The following PDE2A variants were observed in gnomAD, a reference collection of about 807,000 sequenced individuals.
PDE2A encodes the protein cGMP-dependent 3',5'-cyclic phosphodiesterase.
PDE2A carries 53 observed loss-of-function variants against 133.6 expected under a neutral mutation model. That is an observed-to-expected ratio of 0.40 (90% CI 0.32 to 0.50). The LOEUF is 0.50. PDE2A is among the 20% of genes least tolerant of loss of function. The pLI is 0.73. For synonymous variants in PDE2A, 491 were observed against 490.2 expected, an observed-to-expected ratio of 1.00 and a Z score of -0.02; for missense variants, 796 against 1,232.4, an observed-to-expected ratio of 0.65 and a Z score of 5.30.
At chr11:72,625,218 G>C (rs1249362814) in intron 2 of PDE2A, among the ~76,000 whole-genome samples, 2 of 152,208 alleles carry the variant, frequency 1.3e-5, no homozygotes, top group Non-Finnish European at 2.9e-5. Context: ...GGATCCATGG[G>C]ACTTTCCATC....
chr11:72,662,001 G>A (rs182763907), intron 1 of PDE2A, among the ~76,000 whole-genome samples: 14 of 152,244 alleles, frequency 9.2e-5, no homozygotes, highest in African/African-American at 2.6e-4. Flanking sequence ...CTGGTATGGG[G>A]AGTTCTTCTG....
intron 2 of PDE2A, among the ~76,000 whole-genome samples, chr11:72,622,799 A>G (rs1288995796): frequency 1.3e-5 from 2 of 152,178 alleles, no homozygotes; most frequent in Non-Finnish European, 2.9e-5. Flanking sequence ...ACCTACCACA[A>G]CTGAACTGTA....
Position 72,644,128 on chromosome 11 carries a change from T to C in PDE2A, c.72-1802A>G, listed in dbSNP as rs571458653. 2.0e-5 allele frequency among the ~76,000 whole-genome samples: 3 copies of C among 152,342 alleles called. No homozygotes were observed. The East Asian group carries it at 5.8e-4, about 29-fold the overall frequency. On this transcript the variant is annotated intron_variant, in intron 1 of 30. Coordinates refer to ENST00000334456, the MANE Select transcript of PDE2A (RefSeq NM_002599.5). ...AGATCCTTCCCTCCTGCCTGTCATT[T>C]AGGGGCCATTTGAAGGCCCACCTCC...
In PDE2A at chr11:72,578,542, C is replaced by T; in HGVS notation, c.2470-28G>A. 1.3e-6 allele frequency: 2 copies of T among 1,596,300 alleles called. No homozygotes were observed. The highest frequency in any genetic ancestry group is 1.1e-5 in the South Asian group (1 of 90,720). ...GAAAGGCCAACACTCTCATCACATCCTCTATGTAGGATACATCCACCCAAG... is the reference window on the plus strand; with the variant it reads ...GAAAGGCCAACACTCTCATCACATCTTCTATGTAGGATACATCCACCCAAG... On this transcript the variant is annotated intron_variant, in intron 28 of 30. Transcript: ENST00000334456. This position sits in a 1 kb window ranked among gnomAD's most constrained non-coding sequence, Gnocchi z 4.2.
At position 72,596,581 on chromosome 11, in the gene PDE2A, G is replaced by T; in HGVS notation, c.489+12C>A. On this transcript the variant is annotated intron_variant, in intron 6 of 30. Transcript: ENST00000334456. ...CCTCTCCCTACATCCCACCGCCTAG[G>T]CAGGCTCTTACCAAGATGACAGCTG... The T allele has an allele frequency of 6.8e-7, 1 of 1,468,962 alleles. No individual in the cohort carries two copies. The highest frequency in any genetic ancestry group is 9.1e-7 in the Non-Finnish European group (1 of 1,099,288). The allele number at this position is 1,468,962 out of a possible 1,614,324, so 91.0% of individuals were successfully genotyped here.
chr11:72,663,191 A>C (rs1034983712), intron 1 of PDE2A, among the ~76,000 whole-genome samples: 1 of 152,116 alleles, frequency 6.6e-6, no homozygotes, highest in Non-Finnish European at 1.5e-5. Context: ...TTTTGGGTCC[A>C]TCTCCATGGC....
chr11:72,588,934 C>A lies in PDE2A; in HGVS notation c.940-20G>T. 1.3e-6 allele frequency: 2 copies of A among 1,591,936 alleles called. No homozygotes were observed. Among genetic ancestry groups the A allele is most frequent in the South Asian group, 2.2e-5 (2 of 89,444 alleles). On this transcript the variant is annotated intron_variant, in intron 12 of 30. Transcript: ENST00000334456. ...ATCCTCCTGCAAAGGCGAGGCAAGT[C>A]AGGGCAGGGAAGCAGGGCGCAGTAT...
At chr11:72,616,226 G>GA (rs1565172734) in intron 2 of PDE2A, among the ~76,000 whole-genome samples, 20 of 152,074 alleles carry the variant, frequency 1.3e-4, no homozygotes, top group Admixed American at 7.2e-4. Context: ...TGAATGAATG[G>GA]AGTGATCTCC....
chr11:72,670,312 G>T (rs1855356868), intron 1 of PDE2A, among the ~76,000 whole-genome samples: 1 of 152,102 alleles, frequency 6.6e-6, no homozygotes, highest in Non-Finnish European at 1.5e-5. Context: ...TGCCCCCAGG[G>T]GTGTCATGTT....
chr11:72,584,344 G>A lies in PDE2A; in HGVS notation c.1538-31C>T, dbSNP rs889450375. ...GAAGGGAGAGGGGCAAGGAACCACC[G>A]GTGGAGGGAGGGATCGGTTGGAGGG... On this transcript the variant is annotated intron_variant, in intron 18 of 30. Transcript: ENST00000334456. 6 of 1,424,356 alleles carry A rather than the reference G, an allele frequency of 4.2e-6. No individual in the cohort carries two copies. The African/African-American group carries it at 7.0e-5, about 17-fold the overall frequency. 88.2% of individuals were successfully genotyped at this position (1,424,356 alleles called of 1,614,324 possible).
At chr11:72,599,400 A>C (rs1856636906) in intron 4 of PDE2A, among the ~76,000 whole-genome samples, 1 of 151,908 alleles carries the variant, frequency 6.6e-6, no homozygotes, top group African/African-American at 2.4e-5. Context: ...ATACCATCTG[A>C]ATTATTATCT....
At chr11:72,666,124 A>G (rs1028361680) in intron 1 of PDE2A, among the ~76,000 whole-genome samples, 2 of 152,142 alleles carry the variant, frequency 1.3e-5, no homozygotes, top group Admixed American at 1.3e-4. Context: ...GAGGCCCAGG[A>G]GGCATGGAAA....
At chr11:72,592,490 A>C (rs1856296723) in intron 6 of PDE2A, among the ~76,000 whole-genome samples, 1 of 152,108 alleles carries the variant, frequency 6.6e-6, no homozygotes, top group Non-Finnish European at 1.5e-5. Flanking sequence ...CTCATACCTG[A>C]GGAAGGAGAG....
At chr11:72,617,546 T>A (rs1857536173) in intron 2 of PDE2A, among the ~76,000 whole-genome samples, 1 of 152,218 alleles carries the variant, frequency 6.6e-6, no homozygotes, top group Non-Finnish European at 1.5e-5. Context: ...CGCTGCTTTG[T>A]CCTATGACTG....
At chr11:72,668,194 C>T (rs1387055362) in intron 1 of PDE2A, 1 of 712,210 alleles carries the variant, frequency 1.4e-6, no homozygotes, top group East Asian at 2.7e-5. Context: ...TTTAGTTGTC[C>T]ACATCTTGCC....
intron 2 of PDE2A, among the ~76,000 whole-genome samples, chr11:72,626,674 C>T (rs539137016): frequency 1.3e-5 from 2 of 152,348 alleles, no homozygotes; most frequent in South Asian, 2.1e-4. Flanking sequence ...CCTTCCCCAG[C>T]GAAGCCCTAC....
At chr11:72,608,837 C>T (rs550750161) in intron 2 of PDE2A, 86 bp from the exon 3 acceptor site, 4 of 707,976 alleles carry the variant, frequency 5.6e-6, no homozygotes, top group Non-Finnish European at 1.0e-5. Flanking sequence ...GCAAAACCCC[C>T]CAGCTTAGTC....
intron 1 of PDE2A, among the ~76,000 whole-genome samples, chr11:72,656,898 T>C (rs780931320): frequency 2.6e-5 from 4 of 151,942 alleles, no homozygotes; most frequent in African/African-American, 4.8e-5. Context: ...ACAACAAAAA[T>C]CTTCAGGGCT....
chr11:72,620,591 G>T (rs147015036), intron 2 of PDE2A, among the ~76,000 whole-genome samples: 1 of 152,298 alleles, frequency 6.6e-6, no homozygotes, highest in African/African-American at 2.4e-5. Context: ...AGTGGGTAAA[G>T]GTCCCAAAAG....
Sources: allele counts gnomAD v4.1 joint callset (sites outside exome capture counted in the v4.1 genomes callset), GRCh38; gene constraint gnomAD v4.1.1; non-coding constraint Gnocchi (gnomAD v3.1); transcripts MANE v1.5; gene names NCBI Gene and HGNC (gene_info 2026-07-23, HGNC 2026-07-21).